ANKRD28: variants seen among roughly 807,000 people sequenced by gnomAD.
The protein encoded by ANKRD28 is ankyrin repeat domain 28.
Under a neutral mutation model 126.5 loss-of-function variants are expected in ANKRD28, and 44 were observed. The observed-to-expected ratio is 0.35, with a 90% CI of 0.27 to 0.45. The LOEUF is 0.45. Among genes scored for constraint, ANKRD28 ranks in the 20% least tolerant of loss-of-function variants. The probability of loss-of-function intolerance (pLI) is 1.00; values close to 1 mark genes in which losing one functional copy is unlikely to be tolerated. For synonymous variants in ANKRD28, 442 were observed against 468.5 expected (o/e 0.94, Z 0.73); for missense variants, 1,110 against 1,316.6 (o/e 0.84, Z 2.43).
intron 4 of ANKRD28, among the ~76,000 whole-genome samples, chr3:15,749,772 G>A (rs4684259): frequency 0.47 from 70,817 of 151,982 alleles, 19,445 homozygotes; most frequent in Non-Finnish European, 0.6. Flanking sequence ...TGCTCTTCTG[G>A]GTCTAGTAAC....
chr3:15,763,942 G>C (rs1475911076), intron 3 of ANKRD28, among the ~76,000 whole-genome samples: 2 of 151,922 alleles, frequency 1.3e-5, no homozygotes, highest in Admixed American at 1.3e-4. Context: ...AGTACTTTTT[G>C]GCTGGGCACA....
chr3:15,770,677 A>C (rs990696311), intron 2 of ANKRD28, among the ~76,000 whole-genome samples: 4 of 152,150 alleles, frequency 2.6e-5, no homozygotes, highest in Non-Finnish European at 2.9e-5. Context: ...GGTAGGGAAT[A>C]AGCCATCCCA....
intron 4 of ANKRD28, among the ~76,000 whole-genome samples, chr3:15,746,736 G>C (rs998951416): frequency 1.1e-4 from 16 of 152,086 alleles, no homozygotes; most frequent in African/African-American, 3.9e-4. Context: ...ATTTAGGAAG[G>C]ATTGCCTCTT....
chr3:15,809,724 T>C (rs73817122), intron 1 of ANKRD28, among the ~76,000 whole-genome samples: 2 of 152,290 alleles, frequency 1.3e-5, no homozygotes, highest in African/African-American at 2.4e-5. Flanking sequence ...TTCTGTCATT[T>C]GTAACCAAAA....
At position 15,796,788 on chromosome 3, in the gene ANKRD28, CAT is replaced by C. The variant is rs1262642106; in HGVS notation, c.-269_-268del. 1.0e-6 allele frequency: 1 copy of C among 991,584 alleles called. No homozygotes were observed. The highest frequency in any genetic ancestry group is 1.2e-6 in the Non-Finnish European group (1 of 833,350). 61.4% of individuals were successfully genotyped at this position (991,584 alleles called of 1,614,324 possible). A position where few individuals can be genotyped will look rare whatever the true frequency, so the allele number is the denominator to read the frequency against. On this transcript the variant is annotated 5_prime_UTR_variant, in exon 1 of 28. It removes an upstream start codon present in the reference 5' UTR. Coordinates refer to ENST00000683139, the MANE Select transcript of ANKRD28 (RefSeq NM_001349278.2). ...TACTTAAGAAGAAATTTCACACCAA[CAT>C]GTCAATAACTAAAACTGAGTCCAAG... is the stretch of plus-strand genomic sequence containing the variant.
intron 14 of ANKRD28, among the ~76,000 whole-genome samples, chr3:15,698,213 T>A (rs1243561086): frequency 6.6e-6 from 1 of 152,182 alleles, no homozygotes; most frequent in African/African-American, 2.4e-5. Flanking sequence ...AAACTCTCAA[T>A]AAACTAGGTA....
intron 4 of ANKRD28, among the ~76,000 whole-genome samples, chr3:15,739,118 G>C (rs879635364): frequency 6.6e-6 from 1 of 151,922 alleles, no homozygotes; most frequent in Non-Finnish European, 1.5e-5. Context: ...ATTTCATATC[G>C]TTCAAACAAT....
intron 14 of ANKRD28, among the ~76,000 whole-genome samples, chr3:15,704,268 T>C (rs533074393): frequency 6.6e-6 from 1 of 151,890 alleles, no homozygotes; most frequent in African/African-American, 2.4e-5. Context: ...ATCAGGACAA[T>C]GGGGGTAACA....
In ANKRD28 at chr3:15,670,201, C is replaced by A; in HGVS notation, c.*69G>T. 1 of 1,517,764 alleles carries A rather than the reference C, an allele frequency of 6.6e-7. No homozygotes were observed. Among genetic ancestry groups the A allele is most frequent in the South Asian group, 1.3e-5 (1 of 79,092 alleles). The allele number at this position is 1,517,764 out of a possible 1,614,324, so 94.0% of individuals were successfully genotyped here. ...TTAGGTTGAATTTCTACGTGAATATCAAAGTGCCTTTTTCCTGAAAAAGCA... is the reference window on the plus strand; with the variant it reads ...TTAGGTTGAATTTCTACGTGAATATAAAAGTGCCTTTTTCCTGAAAAAGCA... On this transcript the variant is annotated 3_prime_UTR_variant, in exon 28 of 28. Coordinates refer to ENST00000683139, the MANE Select transcript of ANKRD28 (RefSeq NM_001349278.2).
chr3:15,721,990 C>T lies in ANKRD28; in HGVS notation c.784-863G>A, dbSNP rs146742297. Among the ~76,000 whole-genome samples, 858 of 152,284 alleles carry T rather than the reference C, an allele frequency of 5.6e-3. 6 individuals are homozygous for T. The highest frequency in any genetic ancestry group is 0.02 in the African/African-American group (817 of 41,578). On this transcript the variant is annotated intron_variant, in intron 7 of 27. Coordinates refer to ENST00000683139, the MANE Select transcript of ANKRD28 (RefSeq NM_001349278.2). ...GAACTCTTGACCTCAAATGATCCACCGGCCTCGGCCTCCCAAAGTGCTGCG... is the reference window on the plus strand; with the variant it reads ...GAACTCTTGACCTCAAATGATCCACTGGCCTCGGCCTCCCAAAGTGCTGCG...
At chr3:15,699,107 T>A (rs527653914) in intron 14 of ANKRD28, among the ~76,000 whole-genome samples, 1 of 152,146 alleles carries the variant, frequency 6.6e-6, no homozygotes, top group Non-Finnish European at 1.5e-5. Flanking sequence ...ACCATCTGAT[T>A]TTTGACAAAC....
intron 1 of ANKRD28, among the ~76,000 whole-genome samples, chr3:15,813,247 T>G (rs532655452): frequency 1.1e-3 from 170 of 152,146 alleles, no homozygotes; most frequent in African/African-American, 4.0e-3. Context: ...GCACCTGTAG[T>G]CCCAGCTACT....
chr3:15,850,550 C>G (rs900930507), intron 1 of ANKRD28, among the ~76,000 whole-genome samples: 1 of 151,984 alleles, frequency 6.6e-6, no homozygotes, highest in Non-Finnish European at 1.5e-5. Flanking sequence ...CTGTATGACT[C>G]CAACCTTTGC....
intron 16 of ANKRD28, among the ~76,000 whole-genome samples, 171 bp downstream of exon 16, chr3:15,695,017 T>C (rs751459330): frequency 2.0e-5 from 3 of 152,144 alleles, no homozygotes; most frequent in Non-Finnish European, 4.4e-5. Context: ...TGCTACTTAA[T>C]TGCCACCAAG....
Position 15,669,372 on chromosome 3 carries a change from G to A in ANKRD28, c.*898C>T, listed in dbSNP as rs1445952638. 9.9e-5 allele frequency: 15 copies of A among 151,990 alleles called. No individual in the cohort carries two copies. Among genetic ancestry groups the A allele is most frequent in the Admixed American group, 9.8e-4 (15 of 15,250 alleles). 9.4% of individuals were successfully genotyped at this position (151,990 alleles called of 1,614,324 possible). On this transcript the variant is annotated 3_prime_UTR_variant, in exon 28 of 28. Transcript: ENST00000683139. ...CCCCAGGACCACTTAGCTGCAATAG[G>A]GTGAAATAGTCTACTTTTTGATTTC... is the stretch of plus-strand genomic sequence containing the variant.
intron 3 of ANKRD28, among the ~76,000 whole-genome samples, chr3:15,752,396 T>C (rs778908673): frequency 3.4e-4 from 52 of 152,128 alleles, no homozygotes; most frequent in Admixed American, 4.6e-4. Flanking sequence ...AAGAAAGAAA[T>C]TTTTTTAAAC....
At chr3:15,844,064 T>C (rs1389206884) in intron 1 of ANKRD28, among the ~76,000 whole-genome samples, 1 of 152,074 alleles carries the variant, frequency 6.6e-6, no homozygotes, top group East Asian at 1.9e-4. Flanking sequence ...TAAAGCTCCA[T>C]AATGGTTGAT....
chr3:15,743,760 G>A lies in ANKRD28; in HGVS notation c.352-6527C>T, dbSNP rs1176161257. 5.9e-5 allele frequency among the ~76,000 whole-genome samples: 9 copies of A among 152,334 alleles called. No homozygotes were observed. The East Asian group carries it at 1.3e-3, about 23-fold the overall frequency. On this transcript the variant is annotated intron_variant, in intron 4 of 27. Transcript: ENST00000683139. ...TAGCCAGCTAGTAGGAGGTGGTGTGGAAACTATGTCACTGAAGGAGAGTTG... is the reference window on the plus strand; with the variant it reads ...TAGCCAGCTAGTAGGAGGTGGTGTGAAAACTATGTCACTGAAGGAGAGTTG...
chr3:15,821,692 C>G (rs764491622), intron 1 of ANKRD28, among the ~76,000 whole-genome samples: 1 of 152,118 alleles, frequency 6.6e-6, no homozygotes, highest in Non-Finnish European at 1.5e-5. Flanking sequence ...TAGGAAAACG[C>G]TGTGGAATTT....
Sources: gnomAD v4.1 joint callset for allele counts (sites outside exome capture counted in the v4.1 genomes callset) on GRCh38, gnomAD v4.1.1 for gene constraint, MANE v1.5 for transcripts, NCBI Gene and HGNC (gene_info 2026-07-23, HGNC 2026-07-21) for gene names.